TG: variants seen among roughly 807,000 people sequenced by gnomAD.
TG encodes thyroid hormones.
A neutral mutation model predicts 324.7 loss-of-function variants in TG; 270 were observed. The observed-to-expected ratio is 0.83, with a 90% CI of 0.75 to 0.92. The LOEUF (loss-of-function observed/expected upper bound fraction) is 0.92. Ranked by LOEUF, TG falls within the 40% of genes least tolerant of loss-of-function variation. The pLI, the probability that TG is intolerant of heterozygous loss-of-function variation, is 0.00. For missense variants in TG, 3,591 were observed against 3,456.4 expected (o/e 1.04, Z -0.98); for synonymous variants, 1,401 against 1,327.0 (o/e 1.06, Z -1.21).
At chr8:133,027,624 T>G (rs1284349380) in intron 40 of TG, among the ~76,000 whole-genome samples, 1 of 152,182 alleles carries the variant, frequency 6.6e-6, no homozygotes, top group Non-Finnish European at 1.5e-5. Flanking sequence ...CTTGATGCAG[T>G]AGGAATGAGG....
intron 35 of TG, among the ~76,000 whole-genome samples, chr8:132,995,790 T>G (rs1832820725): frequency 6.6e-6 from 1 of 152,242 alleles, no homozygotes; most frequent in South Asian, 2.1e-4. Flanking sequence ...TAATTTGTCA[T>G]GAGGCCATAG....
intron 41 of TG, chr8:133,049,934 G>A: frequency 6.2e-7 from 1 of 1,613,332 alleles, no homozygotes; most frequent in Non-Finnish European, 8.5e-7. Context: ...ATATTCCAGG[G>A]ATGTAACTCT....
chr8:133,006,154 A>G (rs1156630566), intron 35 of TG, among the ~76,000 whole-genome samples: 2 of 152,228 alleles, frequency 1.3e-5, no homozygotes, highest in Non-Finnish European at 2.9e-5. Context: ...AGTTTCTCAG[A>G]GTAGTTAAGG....
intron 41 of TG, among the ~76,000 whole-genome samples, chr8:133,077,056 A>G (rs1328990518): frequency 6.6e-6 from 1 of 152,182 alleles, no homozygotes; most frequent in Non-Finnish European, 1.5e-5. Flanking sequence ...GCTACTTTGC[A>G]CAGGTGGCCA....
chr8:133,088,812 C>T (rs932734496), intron 41 of TG, among the ~76,000 whole-genome samples: 3 of 152,146 alleles, frequency 2.0e-5, no homozygotes, highest in Non-Finnish European at 4.4e-5. Context: ...ATTACTGTCC[C>T]TGTGATGGAA....
At chr8:132,873,843 C>A (rs953684045) in intron 5 of TG, among the ~76,000 whole-genome samples, 15 of 152,132 alleles carry the variant, frequency 9.9e-5, no homozygotes, top group African/African-American at 3.6e-4. Flanking sequence ...TTATCCTGGG[C>A]TGCTTTAGGG....
intron 35 of TG, among the ~76,000 whole-genome samples, chr8:132,983,943 C>G (rs1831213720): frequency 1.3e-5 from 2 of 152,202 alleles, no homozygotes; most frequent in African/African-American, 4.8e-5. Flanking sequence ...TGCCCTTGCT[C>G]CTGCACATCC....
chr8:133,131,150 C>T (rs954618915), intron 45 of TG, among the ~76,000 whole-genome samples: 2 of 152,244 alleles, frequency 1.3e-5, no homozygotes, highest in Non-Finnish European at 2.9e-5. Flanking sequence ...CTACCACTCT[C>T]CCTGGTTCCC....
chr8:132,901,284 G>A, intron 15 of TG, 69 bp from the exon 16 acceptor site: 1 of 1,587,734 alleles, frequency 6.3e-7, no homozygotes, highest in Admixed American at 1.7e-5. Context: ...GTGGTGAGGA[G>A]GGTGATTGGG....
intron 31 of TG, among the ~76,000 whole-genome samples, chr8:132,969,212 T>G (rs1289045949): frequency 1.3e-5 from 2 of 152,184 alleles, no homozygotes; most frequent in Non-Finnish European, 2.9e-5. Context: ...CCTATTTTTA[T>G]TTCTCCATAT....
intron 41 of TG, among the ~76,000 whole-genome samples, chr8:133,051,899 T>C (rs960685240): frequency 2.6e-5 from 4 of 152,236 alleles, no homozygotes; most frequent in Admixed American, 2.6e-4. Context: ...ATCACCTGTT[T>C]ATTCATTCGG....
chr8:132,908,422 AC>A, intron 18 of TG, 82 bp downstream of exon 18: 2 of 849,676 alleles, frequency 2.4e-6, no homozygotes, highest in Non-Finnish European at 3.4e-6. Context: ...GCTCACATTA[AC>A]ACAGAGGCTG....
intron 45 of TG, among the ~76,000 whole-genome samples, chr8:133,122,615 C>T (rs1167772701): frequency 2.0e-5 from 3 of 152,178 alleles, no homozygotes; most frequent in African/African-American, 7.2e-5. Context: ...TCCATGTAGC[C>T]TCACCTACAT....
intron 8 of TG, among the ~76,000 whole-genome samples, chr8:132,883,401 A>G (rs1014461148): frequency 6.6e-6 from 1 of 152,136 alleles, no homozygotes; most frequent in Non-Finnish European, 1.5e-5. Flanking sequence ...AGAATCTTCT[A>G]AGAAGATGTT....
intron 27 of TG, among the ~76,000 whole-genome samples, chr8:132,960,667 T>C (rs889839547): frequency 6.6e-6 from 1 of 152,176 alleles, no homozygotes; most frequent in Non-Finnish European, 1.5e-5. Flanking sequence ...AGTTAAGTGA[T>C]GTGGGAAACT....
At chr8:133,132,942 C>T (rs148808970) in intron 46 of TG, among the ~76,000 whole-genome samples, 211 of 152,280 alleles carry the variant, frequency 1.4e-3, no homozygotes, top group African/African-American at 4.8e-3. Context: ...ATCTGGGAAA[C>T]GTCAGGTGGC....
intron 24 of TG, 143 bp from the exon 25 acceptor site, chr8:132,935,613 C>G: frequency 1.4e-6 from 1 of 725,290 alleles, no homozygotes; most frequent in Non-Finnish European, 2.5e-6. Flanking sequence ...ACTGCTTACA[C>G]ATCTGTCTCC....
chr8:133,095,326 C>A, intron 42 of TG, 118 bp downstream of exon 42: 3 of 1,396,624 alleles, frequency 2.1e-6, no homozygotes, highest in Non-Finnish European at 3.0e-6. Context: ...GGCTGATGAC[C>A]AACTGGAGCT....
At chr8:132,939,091 C>T (rs1027817639) in intron 25 of TG, among the ~76,000 whole-genome samples, 1 of 149,216 alleles carries the variant, frequency 6.7e-6, no homozygotes, top group African/African-American at 2.5e-5. Flanking sequence ...GCAAAGCTCT[C>T]AGGATAGGTG....
Sources: allele counts gnomAD v4.1 joint callset (sites outside exome capture counted in the v4.1 genomes callset), GRCh38; gene constraint gnomAD v4.1.1; transcripts MANE v1.5; gene names NCBI Gene and HGNC (gene_info 2026-07-23, HGNC 2026-07-21).